CREB1: variants seen among roughly 807,000 people sequenced by gnomAD.
The protein encoded by CREB1 is cyclic AMP-responsive element-binding protein 1.
CREB1 carries 2 observed loss-of-function variants against 42.0 expected under a neutral mutation model. The ratio of observed to expected loss-of-function variants is 0.05; its 90% CI spans 0.02 to 0.15. The LOEUF is 0.15. Among genes scored for constraint, CREB1 ranks in the 10% least tolerant of loss-of-function variants. The probability of loss-of-function intolerance (pLI) is 1.00; values close to 1 mark genes in which losing one functional copy is unlikely to be tolerated. For synonymous variants in CREB1, 123 were observed against 139.9 expected (o/e 0.88, Z 0.85); for missense variants, 199 against 388.9 (o/e 0.51, Z 4.11).
chr2:207,603,520 G>A lies in CREB1; in HGVS notation c.*6462G>A, dbSNP rs2087494314. ...GAAGCCATGTTTTATTGGACTTAAAGTTACAATATATTACAAGCTTGTGTT... is the reference window on the plus strand; with the variant it reads ...GAAGCCATGTTTTATTGGACTTAAAATTACAATATATTACAAGCTTGTGTT... On this transcript the variant is annotated 3_prime_UTR_variant, in exon 8 of 8. Transcript: ENST00000353267. 4.5e-6 allele frequency: 1 copy of A among 224,134 alleles called. No homozygotes were observed. Among genetic ancestry groups the A allele is most frequent in the African/African-American group, 2.2e-5 (1 of 44,822 alleles). The allele number at this position is 224,134 out of a possible 1,614,324, so 13.9% of individuals were successfully genotyped here.
chr2:207,553,062 C>CTTT (rs10561230), intron 1 of CREB1, among the ~76,000 whole-genome samples: 25 of 63,212 alleles, frequency 4.0e-4, no homozygotes, highest in African/African-American at 9.9e-4. Flanking sequence ...TACAGGTAGA[C>CTTT]TTTTTTTTTT....
At chr2:207,587,406 A>G (rs1481123211) in intron 7 of CREB1, among the ~76,000 whole-genome samples, 2 of 151,176 alleles carry the variant, frequency 1.3e-5, no homozygotes, top group Non-Finnish European at 2.9e-5. Flanking sequence ...AAAAAAAAAA[A>G]GGAAAAAGAA....
chr2:207,547,697 AAGCAACAC>A (rs1370311199), intron 1 of CREB1, among the ~76,000 whole-genome samples: 7 of 152,194 alleles, frequency 4.6e-5, no homozygotes, highest in Middle Eastern at 6.8e-3. Context: ...CTGCTTTGCT[AAGCAACAC>A]TGTCTCTTGG....
rs951835825 is a variant in CREB1, at chr2:207,598,253, T to C, written c.*1195T>C. 5.4e-6 allele frequency: 1 copy of C among 183,868 alleles called. No individual in the cohort carries two copies. The highest frequency in any genetic ancestry group is 2.3e-5 in the African/African-American group (1 of 42,616). The allele number at this position is 183,868 out of a possible 1,614,324, so 11.4% of individuals were successfully genotyped here. A position where few individuals can be genotyped will look rare whatever the true frequency, so the allele number is the denominator to read the frequency against. ...TTCAGACATATTTGAATGACTGCTG[T>C]ACTGCAATATTTGGATTGTCATTCT... On this transcript the variant is annotated 3_prime_UTR_variant, in exon 8 of 8. Transcript: ENST00000353267.
rs1685011880 is a variant in CREB1 at position 207,603,814 on chromosome 2, G to T, written c.*6756G>T. On this transcript the variant is annotated 3_prime_UTR_variant, in exon 8 of 8. Coordinates refer to ENST00000353267, the MANE Select transcript of CREB1 (RefSeq NM_004379.5). Reference sequence around the variant, plus strand: ...TGATCATATAAATTGGAAGGAAAGGGGAGGGGATATGGTTAATCTTTGCTT... The same window carrying T: ...TGATCATATAAATTGGAAGGAAAGGTGAGGGGATATGGTTAATCTTTGCTT... 6.6e-6 allele frequency among the ~76,000 whole-genome samples: 1 copy of T among 152,156 alleles called. No homozygotes were observed.
At chr2:207,568,752 G>T (rs1196089811) in intron 4 of CREB1, among the ~76,000 whole-genome samples, 2 of 152,078 alleles carry the variant, frequency 1.3e-5, no homozygotes, top group East Asian at 3.8e-4. Flanking sequence ...CTTTCAGTGT[G>T]ATTATGTTAT....
At chr2:207,546,666 G>T (rs1384897501) in intron 1 of CREB1, among the ~76,000 whole-genome samples, 1 of 152,030 alleles carries the variant, frequency 6.6e-6, no homozygotes, top group Non-Finnish European at 1.5e-5. Flanking sequence ...AGCGGAGGTT[G>T]CAGTGAGCTG....
intron 3 of CREB1, among the ~76,000 whole-genome samples, chr2:207,561,696 A>G (rs766076362): frequency 2.0e-5 from 3 of 151,792 alleles, no homozygotes; most frequent in Non-Finnish European, 4.4e-5. Context: ...TTTCCTCTTC[A>G]CCATCCTGGT....
intron 1 of CREB1, among the ~76,000 whole-genome samples, chr2:207,543,605 T>G (rs976274843): frequency 6.6e-6 from 1 of 151,872 alleles, no homozygotes; most frequent in African/African-American, 2.4e-5. Context: ...TAATTTTATT[T>G]ATTTATTTAT....
chr2:207,537,582 CATT>C (rs2106350870), intron 1 of CREB1, among the ~76,000 whole-genome samples: 2 of 152,278 alleles, frequency 1.3e-5, no homozygotes, highest in East Asian at 1.9e-4. Context: ...CTAGTTTAGT[CATT>C]ATAGAAGAGC....
chr2:207,539,353 T>A (rs1005334362), intron 1 of CREB1, among the ~76,000 whole-genome samples: 33 of 151,932 alleles, frequency 2.2e-4, no homozygotes, highest in Non-Finnish European at 8.8e-5. Context: ...CTATTTGTAC[T>A]CTTAAAGGGG....
At chr2:207,561,007 A>T in intron 3 of CREB1, 1 of 901,460 alleles carries the variant, frequency 1.1e-6, no homozygotes, top group East Asian at 2.5e-5. Context: ...AACTGTAGGG[A>T]ACCGAGAGCA....
intron 1 of CREB1, among the ~76,000 whole-genome samples, chr2:207,551,042 T>G (rs1365006169): frequency 6.6e-6 from 1 of 152,260 alleles, no homozygotes; most frequent in African/African-American, 2.4e-5. Flanking sequence ...AGCCACTACT[T>G]GCTCATTTCC....
intron 1 of CREB1, among the ~76,000 whole-genome samples, chr2:207,530,697 AGGT>A (rs2080574992): frequency 6.6e-6 from 1 of 151,404 alleles, no homozygotes; most frequent in South Asian, 2.1e-4. Context: ...AGGGCAGAGG[AGGT>A]GAAGGTGCCT....
chr2:207,556,745 G>A (rs957780815), intron 2 of CREB1, among the ~76,000 whole-genome samples: 3 of 152,344 alleles, frequency 2.0e-5, no homozygotes, highest in African/African-American at 7.2e-5. Context: ...GAGGCAGGCT[G>A]CAGGATTGAA....
At chr2:207,575,238 TA>T (rs754224034) in intron 5 of CREB1, 33 bp from the exon 6 acceptor site, 5 of 1,597,580 alleles carry the variant, frequency 3.1e-6, no homozygotes, top group Non-Finnish European at 4.3e-6. Context: ...TATATGGTAT[TA>T]AACTTGTAAC....
intron 3 of CREB1, among the ~76,000 whole-genome samples, chr2:207,562,074 T>G (rs11904814): frequency 0.3 from 46,352 of 152,038 alleles, 7,457 homozygotes; most frequent in South Asian, 0.5. Flanking sequence ...TTCTATGAAA[T>G]CACAATGACT....
chr2:207,581,399 T>C (rs2082935444), intron 7 of CREB1: 1 of 202,340 alleles, frequency 4.9e-6, no homozygotes, highest in Admixed American at 6.0e-5. Context: ...GAAGATGTTC[T>C]CGGACAAAAG....
chr2:207,535,381 T>G (rs1037883120), intron 1 of CREB1, among the ~76,000 whole-genome samples: 21 of 152,210 alleles, frequency 1.4e-4, no homozygotes, highest in Non-Finnish European at 2.1e-4. Flanking sequence ...TTTATAGCTT[T>G]CTTTCTTAAT....
Sources: gnomAD v4.1 joint callset for allele counts (sites outside exome capture counted in the v4.1 genomes callset) on GRCh38, gnomAD v4.1.1 for gene constraint, MANE v1.5 for transcripts, NCBI Gene and HGNC (gene_info 2026-07-23, HGNC 2026-07-21) for gene names.